The following KCNH8 variants were observed in gnomAD, a reference collection of about 807,000 sequenced individuals.
KCNH8 encodes potassium voltage-gated channel subfamily H member 8.
In KCNH8, 70 loss-of-function variants were observed where a neutral mutation model predicts 103.6. The ratio of observed to expected loss-of-function variants is 0.68; its 90% CI spans 0.56 to 0.82. The LOEUF (loss-of-function observed/expected upper bound fraction) is 0.82. KCNH8 is among the 40% of genes least tolerant of loss of function. KCNH8 has a pLI of 0.00. For synonymous variants in KCNH8, 498 were observed against 489.4 expected, an observed-to-expected ratio of 1.02 and a Z score of -0.23; for missense variants, 1,217 against 1,329.9, an observed-to-expected ratio of 0.92 and a Z score of 1.32.
intron 1 of KCNH8, among the ~76,000 whole-genome samples, chr3:19,180,536 G>A (rs377401836): frequency 6.6e-6 from 1 of 152,144 alleles, no homozygotes; most frequent in African/African-American, 2.4e-5. Flanking sequence ...GTTTCATTAA[G>A]TTTGACTCTT....
intron 11 of KCNH8, among the ~76,000 whole-genome samples, chr3:19,466,621 G>C (rs1440891188): frequency 7.1e-6 from 1 of 140,662 alleles, no homozygotes; most frequent in Non-Finnish European, 1.5e-5. Flanking sequence ...TGCAGACTCA[G>C]ATGATTGTTA....
At chr3:19,455,142 G>A (rs1208577228) in intron 10 of KCNH8, among the ~76,000 whole-genome samples, 1 of 152,130 alleles carries the variant, frequency 6.6e-6, no homozygotes, top group East Asian at 1.9e-4. Context: ...GTCCAGTCAA[G>A]ATGTGCAGAC....
At chr3:19,239,894 C>T (rs1288155655) in intron 1 of KCNH8, among the ~76,000 whole-genome samples, 1 of 152,104 alleles carries the variant, frequency 6.6e-6, no homozygotes, top group Non-Finnish European at 1.5e-5. Flanking sequence ...TTAACCAAAG[C>T]AGGGAACGGA....
At chr3:19,293,920 G>T (rs1257852537) in intron 3 of KCNH8, among the ~76,000 whole-genome samples, 1 of 152,162 alleles carries the variant, frequency 6.6e-6, no homozygotes, top group African/African-American at 2.4e-5. Context: ...TTCAGAGATA[G>T]ATAACCACAT....
At chr3:19,149,237 A>G (rs774546247) in intron 1 of KCNH8, among the ~76,000 whole-genome samples, 20 of 152,176 alleles carry the variant, frequency 1.3e-4, no homozygotes, top group Non-Finnish European at 2.8e-4. Flanking sequence ...TCGGATAGGT[A>G]TGATTTTCTA....
At chr3:19,189,222 A>G (rs1386355022) in intron 1 of KCNH8, among the ~76,000 whole-genome samples, 2 of 152,070 alleles carry the variant, frequency 1.3e-5, no homozygotes, top group Non-Finnish European at 2.9e-5. Context: ...TTGTTCTTGA[A>G]CATATTCAAT....
At chr3:19,263,930 C>G (rs1194128676) in intron 2 of KCNH8, among the ~76,000 whole-genome samples, 1 of 152,046 alleles carries the variant, frequency 6.6e-6, no homozygotes, top group Non-Finnish European at 1.5e-5. Context: ...GGCCACCAAA[C>G]AGTTACCATG....
At position 19,534,175 on chromosome 3, in the gene KCNH8, G is replaced by T; in HGVS notation, c.*76G>T. On this transcript the variant is annotated 3_prime_UTR_variant, in exon 16 of 16. Transcript: ENST00000328405. ...AGTTTTAGTTTGCCTTTTTGCCTCTGGTGGGCATGAAGACTGAGCAAAGCT... is the reference window on the plus strand; with the variant it reads ...AGTTTTAGTTTGCCTTTTTGCCTCTTGTGGGCATGAAGACTGAGCAAAGCT... The T allele has an allele frequency of 8.9e-7, 1 of 1,125,398 alleles. No individual in the cohort carries two copies. The allele number at this position is 1,125,398 out of a possible 1,614,324, so 69.7% of individuals were successfully genotyped here.
intron 3 of KCNH8, among the ~76,000 whole-genome samples, chr3:19,312,961 GA>G (rs1210113507): frequency 1.3e-5 from 2 of 151,900 alleles, no homozygotes; most frequent in Non-Finnish European, 2.9e-5. Flanking sequence ...TTCAGAATTG[GA>G]TAAGTTCTAG....
chr3:19,217,855 C>T (rs2125229236), intron 1 of KCNH8, among the ~76,000 whole-genome samples: 1 of 152,220 alleles, frequency 6.6e-6, no homozygotes, highest in South Asian at 2.1e-4. Flanking sequence ...TTAGACTTAC[C>T]TTATTTAGTT....
intron 5 of KCNH8, among the ~76,000 whole-genome samples, chr3:19,380,118 C>G (rs928717814): frequency 2.6e-5 from 4 of 152,168 alleles, no homozygotes; most frequent in African/African-American, 9.7e-5. Flanking sequence ...TTTGCTGCCT[C>G]TGGAATATCA....
At chr3:19,222,585 A>G (rs927403541) in intron 1 of KCNH8, among the ~76,000 whole-genome samples, 2 of 152,242 alleles carry the variant, frequency 1.3e-5, no homozygotes, top group African/African-American at 2.4e-5. Flanking sequence ...AGATATCAGT[A>G]AAGCTTTGAA....
intron 3 of KCNH8, among the ~76,000 whole-genome samples, chr3:19,331,591 A>C (rs2065509980): frequency 6.6e-6 from 1 of 152,162 alleles, no homozygotes; most frequent in South Asian, 2.1e-4. Flanking sequence ...GTTCCCGGCC[A>C]ATTATTTTTA....
In KCNH8 at chr3:19,404,378, C is replaced by G. The variant is rs139877626; in HGVS notation, c.1177+9067C>G. On this transcript the variant is annotated intron_variant, in intron 7 of 15. Transcript: ENST00000328405. The stretch of plus-strand genomic sequence containing the variant: ...AAACATCTTAGGCTGTGCCTTGGAC[C>G]TAGATTTTAGAAGAGTGGGTCTTTT... 2.1e-4 allele frequency among the ~76,000 whole-genome samples: 32 copies of G among 152,076 alleles called. No individual in the cohort carries two copies. In the Middle Eastern group the frequency reaches 0.01, roughly 48 times the overall value.
At chr3:19,430,333 T>G (rs2067101347) in intron 7 of KCNH8, among the ~76,000 whole-genome samples, 1 of 152,226 alleles carries the variant, frequency 6.6e-6, no homozygotes, top group East Asian at 1.9e-4. Context: ...TGTGTGCCTA[T>G]TCTTGTACTA....
intron 5 of KCNH8, among the ~76,000 whole-genome samples, chr3:19,370,424 A>G (rs1272627347): frequency 6.6e-6 from 1 of 152,076 alleles, no homozygotes; most frequent in African/African-American, 2.4e-5. Context: ...AAGAAAGGTA[A>G]TTAACTTTCC....
chr3:19,347,020 A>G (rs577941677), intron 4 of KCNH8, among the ~76,000 whole-genome samples: 1 of 152,208 alleles, frequency 6.6e-6, no homozygotes, highest in East Asian at 1.9e-4. Flanking sequence ...CACAGTGAAC[A>G]TTGGCTTTCT....
Position 19,518,006 on chromosome 3 carries a change from A to T in KCNH8, c.2551A>T (p.Ile851Phe), listed in dbSNP as rs1264330357. 1 of 1,611,896 alleles carries T rather than the reference A, an allele frequency of 6.2e-7. No individual in the cohort carries two copies. The highest frequency in any genetic ancestry group is 8.5e-7 in the Non-Finnish European group (1 of 1,178,612). The change falls in exon 15 of 16, where the codon ATT (isoleucine) becomes TTT (phenylalanine). Residue 851 changes from isoleucine to phenylalanine, a missense_variant. By Grantham distance (21) the Ile-to-Phe change is conservative (BLOSUM62 0). Coordinates refer to ENST00000328405, the MANE Select transcript of KCNH8 (RefSeq NM_144633.3). ...RISPPLGDPE[I>F]GAAVLFIKAE... ...TGTGTGTCACTTTTCAGATCCAGAG[A>T]TTGGAGCTGCTGTTCTCTTCATCAA...
intron 3 of KCNH8, among the ~76,000 whole-genome samples, chr3:19,283,165 G>C (rs553468662): frequency 7.2e-5 from 11 of 152,284 alleles, no homozygotes; most frequent in Admixed American, 2.6e-4. Flanking sequence ...AGAGAGGCTA[G>C]CATGTCGCAC....
Sources: gnomAD v4.1 joint callset for allele counts (sites outside exome capture counted in the v4.1 genomes callset) on GRCh38, gnomAD v4.1.1 for gene constraint, MANE v1.5 for transcripts, NCBI Gene and HGNC (gene_info 2026-07-23, HGNC 2026-07-21) for gene names.